Variants in RBFOX1 observed in about 807,000 individuals in gnomAD.
RBFOX1 encodes RNA binding fox-1 homolog 1, also known as RNA binding protein fox-1 homolog 1.
A neutral mutation model predicts 57.7 loss-of-function variants in RBFOX1; 8 were observed. The ratio of observed to expected loss-of-function variants is 0.14; its 90% CI spans 0.08 to 0.25. RBFOX1 has a LOEUF of 0.25. Among genes scored for constraint, RBFOX1 ranks in the 10% least tolerant of loss-of-function variants. The pLI is 1.00. For missense variants in RBFOX1, 611 were observed against 548.5 expected (o/e 1.11, Z -1.14); for synonymous variants, 326 against 222.4 (o/e 1.47, Z -4.15).
chr16:5,479,521 G>A (rs990681613), intron 2 of RBFOX1, among the ~76,000 whole-genome samples: 2 of 152,170 alleles, frequency 1.3e-5, no homozygotes, highest in African/African-American at 4.8e-5. Context: ...CACTTTGGGA[G>A]GCTGAGGCAG....
At chr16:6,862,769 G>T (rs1228942502) in intron 3 of RBFOX1, among the ~76,000 whole-genome samples, 1 of 152,148 alleles carries the variant, frequency 6.6e-6, no homozygotes, top group Non-Finnish European at 1.5e-5. Flanking sequence ...TGGATCACCT[G>T]AGGTCAGGAG....
intron 3 of RBFOX1, among the ~76,000 whole-genome samples, chr16:6,778,882 A>G (rs539629030): frequency 6.6e-6 from 1 of 151,854 alleles, no homozygotes; most frequent in South Asian, 2.1e-4. Flanking sequence ...TTTATTTTTA[A>G]TTTTTATGGT....
intron 3 of RBFOX1, among the ~76,000 whole-genome samples, chr16:6,988,374 G>A (rs906666436): frequency 3.5e-4 from 53 of 152,028 alleles, no homozygotes; most frequent in African/African-American, 1.2e-3. Context: ...GTTTACTTAT[G>A]GTTATTGAGT....
At chr16:7,002,244 C>A (rs114309991) in intron 3 of RBFOX1, among the ~76,000 whole-genome samples, 9 of 152,100 alleles carry the variant, frequency 5.9e-5, no homozygotes, top group Non-Finnish European at 1.5e-5. Context: ...CTGGATACAG[C>A]GGTGCATGAA....
rs983948042 is a variant in RBFOX1 at position 5,947,971 on chromosome 16, C to T, written c.351+80636C>T. Among the ~76,000 whole-genome samples, 2 of 152,286 alleles carry T rather than the reference C, an allele frequency of 1.3e-5. No homozygotes were observed. The highest frequency in any genetic ancestry group is 3.9e-4 in the East Asian group (2 of 5,176). On this transcript the variant is annotated intron_variant, in intron 4 of 19. Transcript: ENST00000641259. The surrounding 1 kb of genome is among the most constrained non-coding windows in gnomAD (Gnocchi z 7.2). Reference sequence around the variant, plus strand: ...ATCACCAGATTCTTGATTGAATTCCCTTTTGACCGTGGCGCTGAGGACATA... The same window carrying T: ...ATCACCAGATTCTTGATTGAATTCCTTTTTGACCGTGGCGCTGAGGACATA...
At chr16:6,009,488 G>A (rs1305290983) in intron 4 of RBFOX1, among the ~76,000 whole-genome samples, 7 of 152,112 alleles carry the variant, frequency 4.6e-5, no homozygotes, top group African/African-American at 1.7e-4. Context: ...CTTAGAAATG[G>A]CACTTCCTGA....
intron 5 of RBFOX1, among the ~76,000 whole-genome samples, chr16:7,565,537 G>A (rs1397652041): frequency 6.6e-6 from 1 of 152,124 alleles, no homozygotes; most frequent in Non-Finnish European, 1.5e-5. Flanking sequence ...AATTCACTCG[G>A]CGCCCAGCAT....
At chr16:6,223,959 C>A (rs1330887612) in intron 1 of RBFOX1, among the ~76,000 whole-genome samples, 1 of 152,090 alleles carries the variant, frequency 6.6e-6, no homozygotes, top group African/African-American at 2.4e-5. Context: ...TAAATAGGGA[C>A]TCCTTTCCCC....
chr16:5,748,055 A>T (rs1321203966), intron 3 of RBFOX1, among the ~76,000 whole-genome samples: 2 of 152,172 alleles, frequency 1.3e-5, no homozygotes. Context: ...AATGTGTCCC[A>T]GATATTCTGG....
At chr16:7,284,785 T>C (rs1190696557) in intron 4 of RBFOX1, among the ~76,000 whole-genome samples, 2 of 152,192 alleles carry the variant, frequency 1.3e-5, no homozygotes, top group African/African-American at 2.4e-5. Flanking sequence ...AAATAATAAC[T>C]CTGCACAAGT....
chr16:5,261,970 A>G (rs1488857491), intron 1 of RBFOX1, among the ~76,000 whole-genome samples: 1 of 152,204 alleles, frequency 6.6e-6, no homozygotes, highest in African/African-American at 2.4e-5. Context: ...TTTCACACTC[A>G]AAGAAGACTT....
intron 14 of RBFOX1, among the ~76,000 whole-genome samples, chr16:7,700,581 C>G (rs141237975): frequency 1.3e-5 from 2 of 152,068 alleles, no homozygotes; most frequent in African/African-American, 2.4e-5. Context: ...AATAAAAATT[C>G]TTAGTGATTT....
chr16:6,368,477 C>G (rs2089983399), intron 2 of RBFOX1, among the ~76,000 whole-genome samples: 1 of 152,202 alleles, frequency 6.6e-6, no homozygotes, highest in Non-Finnish European at 1.5e-5. Flanking sequence ...CTAATGTAGA[C>G]CTTTCCAGTT....
At chr16:6,175,339 A>G (rs970669655) in intron 1 of RBFOX1, among the ~76,000 whole-genome samples, 1 of 152,226 alleles carries the variant, frequency 6.6e-6, no homozygotes, top group African/African-American at 2.4e-5. Context: ...ACAGGGTACC[A>G]CAGTCATAAA....
chr16:7,221,500 G>A (rs943496832), intron 4 of RBFOX1, among the ~76,000 whole-genome samples: 1 of 152,000 alleles, frequency 6.6e-6, no homozygotes, highest in African/African-American at 2.4e-5. Flanking sequence ...CAGAGTAGCT[G>A]GGATTACAGG....
intron 1 of RBFOX1, among the ~76,000 whole-genome samples, chr16:6,192,039 A>G (rs2097145070): frequency 6.6e-6 from 1 of 152,196 alleles, no homozygotes; most frequent in Non-Finnish European, 1.5e-5. Context: ...CATTTCTGTT[A>G]CTTCTAGGCA....
At chr16:6,932,263 C>G (rs1366088509) in intron 3 of RBFOX1, among the ~76,000 whole-genome samples, 1 of 152,114 alleles carries the variant, frequency 6.6e-6, no homozygotes, top group African/African-American at 2.4e-5. Flanking sequence ...ACCACCACAC[C>G]TGGCTAATTT....
At chr16:7,374,258 T>G (rs1330122960) in intron 4 of RBFOX1, among the ~76,000 whole-genome samples, 1 of 152,222 alleles carries the variant, frequency 6.6e-6, no homozygotes, top group Non-Finnish European at 1.5e-5. Context: ...TTCTTATCTT[T>G]TTCTGAGGCT....
At chr16:6,695,428 AAAAAAAAAAGGAAAGGAAGGG>A (rs1192338885) in intron 3 of RBFOX1, among the ~76,000 whole-genome samples, 1 of 100,588 alleles carries the variant, frequency 9.9e-6, no homozygotes, top group Non-Finnish European at 2.5e-5. Context: ...AAAAAAAAAA[AAAAAAAAAAGGAAAGGAAGGG>A]AAAGGAAAGG....
Sources: gnomAD v4.1 joint callset for allele counts (sites outside exome capture counted in the v4.1 genomes callset) on GRCh38, gnomAD v4.1.1 for gene constraint, Gnocchi (gnomAD v3.1) non-coding constraint, MANE v1.5 for transcripts, NCBI Gene and HGNC (gene_info 2026-07-23, HGNC 2026-07-21) for gene names.